PPARG: variants seen among roughly 807,000 people sequenced by gnomAD.
PPARG encodes peroxisome proliferator activated receptor gamma.
A neutral mutation model predicts 39.2 loss-of-function variants in PPARG; 17 were observed. The observed-to-expected ratio is 0.43, with a 90% CI of 0.30 to 0.65. The LOEUF is 0.65. Ranked by LOEUF, PPARG falls within the 30% of genes least tolerant of loss-of-function variation. PPARG has a pLI of 0.13. For synonymous variants in PPARG, 223 were observed against 215.7 expected, an observed-to-expected ratio of 1.03 and a Z score of -0.30; for missense variants, 406 against 585.9, an observed-to-expected ratio of 0.69 and a Z score of 3.17.
intron 2 of PPARG, among the ~76,000 whole-genome samples, chr3:12,320,019 C>T (rs1036377337): frequency 3.9e-5 from 6 of 152,098 alleles, no homozygotes; most frequent in South Asian, 2.1e-4. Flanking sequence ...CACCGGTACA[C>T]GCTAATCAGT....
chr3:12,404,899 C>T (rs975487786), intron 5 of PPARG, among the ~76,000 whole-genome samples: 3 of 152,180 alleles, frequency 2.0e-5, no homozygotes, highest in South Asian at 2.1e-4. Context: ...ACAGTCTCTG[C>T]GCTCGAGGAG....
intron 7 of PPARG, among the ~76,000 whole-genome samples, chr3:12,418,329 A>G (rs1346626039): frequency 6.6e-6 from 1 of 152,204 alleles, no homozygotes; most frequent in African/African-American, 2.4e-5. Context: ...ATCTCTCTGT[A>G]TAAAAATTGT....
intron 2 of PPARG, among the ~76,000 whole-genome samples, chr3:12,338,410 A>C (rs1412014805): frequency 6.7e-6 from 1 of 150,022 alleles, no homozygotes; most frequent in Admixed American, 6.8e-5. Flanking sequence ...TACTATATAG[A>C]TATCTCTCTC....
At chr3:12,368,423 C>T (rs537172616) in intron 2 of PPARG, among the ~76,000 whole-genome samples, 1 of 152,050 alleles carries the variant, frequency 6.6e-6, no homozygotes, top group South Asian at 2.1e-4. Context: ...CTCAGGTGAT[C>T]CTCCCACCTT....
intron 2 of PPARG, among the ~76,000 whole-genome samples, chr3:12,328,884 T>C (rs1407702221): frequency 6.6e-6 from 1 of 152,194 alleles, no homozygotes; most frequent in Non-Finnish European, 1.5e-5. Context: ...TAAAGATTCC[T>C]TTCCCTGCCT....
At chr3:12,413,982 G>T (rs1196442819) in intron 6 of PPARG, among the ~76,000 whole-genome samples, 1 of 152,150 alleles carries the variant, frequency 6.6e-6, no homozygotes, top group African/African-American at 2.4e-5. Flanking sequence ...GCAGGATTTT[G>T]TGCCCTATGT....
chr3:12,352,500 T>C (rs1313239793), intron 2 of PPARG, among the ~76,000 whole-genome samples: 1 of 152,176 alleles, frequency 6.6e-6, no homozygotes, highest in Admixed American at 6.5e-5. Flanking sequence ...GCCTTTTCTG[T>C]TTTGTATTGT....
chr3:12,321,947 T>C (rs1250924041), intron 2 of PPARG, among the ~76,000 whole-genome samples: 2 of 152,266 alleles, frequency 1.3e-5, no homozygotes, highest in East Asian at 1.9e-4. Flanking sequence ...TTTTCAGATA[T>C]GCATTTATTT....
rs931506117 is a variant in PPARG, at chr3:12,316,833, A to C, written c.-9+4380A>C. Among the ~76,000 whole-genome samples, 3 of 152,156 alleles carry C rather than the reference A, an allele frequency of 2.0e-5. No homozygotes were observed. In the East Asian group the frequency reaches 5.8e-4, roughly 29 times the overall value. On this transcript the variant is annotated intron_variant, in intron 2 of 7. Transcript: ENST00000651735. ...GTTAAAAAAAATCTGGTACACAGGA[A>C]ACAGTAGAGCTGGGTGGCTGGGAGA...
At chr3:12,408,402 G>C (rs755004629) in intron 6 of PPARG, among the ~76,000 whole-genome samples, 6 of 152,008 alleles carry the variant, frequency 3.9e-5, no homozygotes, top group African/African-American at 7.2e-5. Flanking sequence ...TGATAAAATT[G>C]GCCATAGCAA....
chr3:12,392,497 G>A, intron 4 of PPARG, 117 bp from the exon 5 acceptor site: 1 of 1,142,734 alleles, frequency 8.8e-7, no homozygotes, highest in Non-Finnish European at 1.3e-6. Context: ...ACCAGTGACA[G>A]AATCGTGTCA....
At chr3:12,356,340 A>T (rs899229367) in intron 2 of PPARG, among the ~76,000 whole-genome samples, 3 of 152,222 alleles carry the variant, frequency 2.0e-5, no homozygotes, top group African/African-American at 7.2e-5. Flanking sequence ...CAACTCTTAT[A>T]ACCTCAGAAT....
intron 5 of PPARG, among the ~76,000 whole-genome samples, chr3:12,396,479 A>G (rs2938388): frequency 0.76 from 116,242 of 152,060 alleles, 45,549 homozygotes; most frequent in East Asian, 0.98. Context: ...CTTGTGGGCC[A>G]GGCATGGTGG....
chr3:12,344,182 A>C (rs2048264517), intron 2 of PPARG, among the ~76,000 whole-genome samples: 2 of 152,198 alleles, frequency 1.3e-5, no homozygotes, highest in Admixed American at 6.5e-5. Flanking sequence ...ATTTTTATAA[A>C]GTCTAGACAA....
At chr3:12,396,452 G>T (rs1360414631) in intron 5 of PPARG, among the ~76,000 whole-genome samples, 1 of 151,996 alleles carries the variant, frequency 6.6e-6, no homozygotes, top group Non-Finnish European at 1.5e-5. Flanking sequence ...AAATTATTTA[G>T]TCATTAAGAA....
At chr3:12,392,553 A>G in intron 4 of PPARG, 61 bp from the exon 5 acceptor site, 1 of 1,582,118 alleles carries the variant, frequency 6.3e-7, no homozygotes, top group Non-Finnish European at 8.7e-7. Flanking sequence ...CTTTCGCTGT[A>G]GGTTGCTGCT....
At chr3:12,315,137 G>A (rs1193519123) in intron 2 of PPARG, among the ~76,000 whole-genome samples, 1 of 152,116 alleles carries the variant, frequency 6.6e-6, no homozygotes, top group African/African-American at 2.4e-5. Flanking sequence ...GCCTCTAGTA[G>A]CAACTATTCT....
intron 1 of PPARG, among the ~76,000 whole-genome samples, chr3:12,307,436 T>C (rs2047104009): frequency 2.6e-5 from 4 of 152,194 alleles, no homozygotes; most frequent in Non-Finnish European, 5.9e-5. Flanking sequence ...GACAGTACAA[T>C]AATCCCTTCC....
In PPARG at chr3:12,391,891, C is replaced by T. The variant is rs950278206; in HGVS notation, c.391-723C>T. ...ACCCAAAAAATGGAGTCAGAAAACACGTCCAGTTCGATTTTTTTCAGCTCT... is the reference window on the plus strand; with the variant it reads ...ACCCAAAAAATGGAGTCAGAAAACATGTCCAGTTCGATTTTTTTCAGCTCT... On this transcript the variant is annotated intron_variant, in intron 4 of 7. Coordinates refer to ENST00000651735, the MANE Select transcript of PPARG (RefSeq NM_138711.6). Among the ~76,000 whole-genome samples, 5 of 152,172 alleles carry T rather than the reference C, an allele frequency of 3.3e-5. No individual in the cohort carries two copies. The East Asian group carries it at 5.8e-4, about 18-fold the overall frequency.
Sources: gnomAD v4.1 joint callset for allele counts (sites outside exome capture counted in the v4.1 genomes callset) on GRCh38, gnomAD v4.1.1 for gene constraint, MANE v1.5 for transcripts, NCBI Gene and HGNC (gene_info 2026-07-23, HGNC 2026-07-21) for gene names.